Variants in CCDC148 observed in about 807,000 individuals in gnomAD.
The protein encoded by CCDC148 is coiled-coil domain containing 148.
A neutral mutation model predicts 85.7 loss-of-function variants in CCDC148; 89 were observed. That is an observed-to-expected ratio of 1.04 (90% confidence interval 0.87 to 1.24). The LOEUF (loss-of-function observed/expected upper bound fraction) is 1.24. CCDC148 is among the 50% of genes most tolerant of loss of function. The pLI, the probability that CCDC148 is intolerant of heterozygous loss-of-function variation, is 0.00. For missense variants in CCDC148, 692 were observed against 671.7 expected (o/e 1.03, Z -0.33); for synonymous variants, 230 against 213.9 (o/e 1.08, Z -0.66).
chr2:158,186,523 C>T (rs1239442319), intron 11 of CCDC148, among the ~76,000 whole-genome samples: 6 of 152,040 alleles, frequency 3.9e-5, no homozygotes, highest in African/African-American at 1.4e-4. Flanking sequence ...TTCCATTGTT[C>T]AACAATATTT....
intron 9 of CCDC148, among the ~76,000 whole-genome samples, chr2:158,306,251 G>A (rs984477315): frequency 3.9e-5 from 6 of 151,980 alleles, no homozygotes; most frequent in Admixed American, 2.0e-4. Flanking sequence ...GGCCAGGTGC[G>A]GTGGCTCATG....
Position 158,172,087 on chromosome 2 carries a change from T to C in CCDC148, c.*26A>G. Reference sequence around the variant, plus strand: ...ACATGTTTTCAAAGAAAAATGCTCTTTACATATAGAATTTGAGGATGAGCT... The same window carrying C: ...ACATGTTTTCAAAGAAAAATGCTCTCTACATATAGAATTTGAGGATGAGCT... On this transcript the variant is annotated 3_prime_UTR_variant, in exon 14 of 14. Transcript: ENST00000283233. 1 of 1,529,140 alleles carries C rather than the reference T, an allele frequency of 6.5e-7. No individual in the cohort carries two copies. The highest frequency in any genetic ancestry group is 8.8e-7 in the Non-Finnish European group (1 of 1,132,776). The allele number at this position is 1,529,140 out of a possible 1,614,324, so 94.7% of individuals were successfully genotyped here. A position where few individuals can be genotyped will look rare whatever the true frequency, so the allele number is the denominator to read the frequency against.
At position 158,283,539 on chromosome 2, in the gene CCDC148, T is replaced by G. The variant is rs564230069; in HGVS notation, c.1110+25894A>C. Among the ~76,000 whole-genome samples, 18 of 152,346 alleles carry G rather than the reference T, an allele frequency of 1.2e-4. No homozygotes were observed. In the South Asian group the frequency reaches 3.7e-3, roughly 32 times the overall value. On this transcript the variant is annotated intron_variant, in intron 9 of 13. Transcript: ENST00000283233. ...CACAGGAAAAAATGCTCATCATCAC[T>G]GGCCATCAGAGAAATGCAAATCAAA...
chr2:158,220,577 T>A lies in CCDC148; in HGVS notation c.1370+18A>T, dbSNP rs1687122403. 6.4e-7 allele frequency: 1 copy of A among 1,568,112 alleles called. No individual in the cohort carries two copies. Among genetic ancestry groups the A allele is most frequent in the Admixed American group, 1.7e-5 (1 of 57,730 alleles). ...ATTCACCACCTCCATTACCACACAA[T>A]TTTAAATTTTCTTTTACCTTTCTCT... On this transcript the variant is annotated intron_variant, in intron 11 of 13. Transcript: ENST00000283233.
chr2:158,265,383 G>T (rs1689411690), intron 9 of CCDC148, among the ~76,000 whole-genome samples: 1 of 151,762 alleles, frequency 6.6e-6, no homozygotes. Flanking sequence ...AAATTACTTT[G>T]TCTCTTCATA....
chr2:158,180,278 C>T (rs1316810465), intron 11 of CCDC148, among the ~76,000 whole-genome samples: 1 of 152,144 alleles, frequency 6.6e-6, no homozygotes, highest in Non-Finnish European at 1.5e-5. Context: ...GTGCTAAGTG[C>T]TTTATATGTT....
chr2:158,193,976 C>T (rs1685544967), intron 11 of CCDC148, among the ~76,000 whole-genome samples: 1 of 149,048 alleles, frequency 6.7e-6, no homozygotes, highest in South Asian at 2.1e-4. Flanking sequence ...TGTAACAAAC[C>T]TGCACGTTGT....
At chr2:158,265,005 G>C (rs1309710147) in intron 9 of CCDC148, among the ~76,000 whole-genome samples, 1 of 151,898 alleles carries the variant, frequency 6.6e-6, no homozygotes, top group Non-Finnish European at 1.5e-5. Flanking sequence ...CCCAATCTTC[G>C]AATTACTTCT....
At chr2:158,215,852 C>A (rs187334343) in intron 11 of CCDC148, among the ~76,000 whole-genome samples, 9 of 152,194 alleles carry the variant, frequency 5.9e-5, no homozygotes, top group African/African-American at 2.2e-4. Flanking sequence ...GGAGTCACGC[C>A]CTTGTAAGAA....
At chr2:158,337,262 A>G (rs1220594963) in intron 7 of CCDC148, among the ~76,000 whole-genome samples, 2 of 152,192 alleles carry the variant, frequency 1.3e-5, no homozygotes, top group Non-Finnish European at 2.9e-5. Flanking sequence ...ATAAGGAATC[A>G]TCTGGGAGAG....
chr2:158,190,332 T>C (rs1256199655), intron 11 of CCDC148, among the ~76,000 whole-genome samples: 1 of 152,016 alleles, frequency 6.6e-6, no homozygotes, highest in Non-Finnish European at 1.5e-5. Flanking sequence ...CAGATCAGCA[T>C]TTATTTGCCC....
At chr2:158,350,007 C>G (rs1683180721) in intron 2 of CCDC148, among the ~76,000 whole-genome samples, 1 of 152,076 alleles carries the variant, frequency 6.6e-6, no homozygotes, top group South Asian at 2.1e-4. Context: ...AGCTATGAAT[C>G]TCAGGTACAC....
chr2:158,288,956 GAAGCAA>G, intron 9 of CCDC148: 1 of 248,846 alleles, frequency 4.0e-6, no homozygotes, highest in Non-Finnish European at 7.9e-6. Context: ...AAATGAGGTG[GAAGCAA>G]AAGCGGAAAC....
chr2:158,218,261 G>A (rs541131658), intron 11 of CCDC148, among the ~76,000 whole-genome samples: 18 of 152,250 alleles, frequency 1.2e-4, no homozygotes, highest in African/African-American at 4.1e-4. Context: ...AAGTTATCCA[G>A]TTCAACTTTA....
chr2:158,258,176 C>G (rs1183459721), intron 9 of CCDC148, among the ~76,000 whole-genome samples: 1 of 151,598 alleles, frequency 6.6e-6, no homozygotes, highest in Admixed American at 6.6e-5. Flanking sequence ...TGTATTAATG[C>G]TGTGTCAAGA....
In CCDC148 at chr2:158,312,589, A is replaced by AC. The variant is rs1466137573; in HGVS notation, c.903+1166_903+1167insG. Among the ~76,000 whole-genome samples, 666 of 151,238 alleles carry AC rather than the reference A, an allele frequency of 4.4e-3. 7 individuals are homozygous for AC. Among genetic ancestry groups the AC allele is most frequent in the African/African-American group, 0.015 (632 of 41,344 alleles). ...GTGAGAATCCATCTCAAAAAAAAAAAAAAAAAAACCAAAAAACAAAAAAGT... is the reference window on the plus strand; with the variant it reads ...GTGAGAATCCATCTCAAAAAAAAAAACAAAAAAAACCAAAAAACAAAAAAGT... On this transcript the variant is annotated intron_variant, in intron 8 of 13. Transcript: ENST00000283233.
chr2:158,380,003 G>A (rs1001917084), intron 1 of CCDC148, among the ~76,000 whole-genome samples: 1 of 151,978 alleles, frequency 6.6e-6, no homozygotes, highest in African/African-American at 2.4e-5. Flanking sequence ...GCCCAGGCTG[G>A]TCTTGAACTC....
At chr2:158,200,439 T>G (rs1685896686) in intron 11 of CCDC148, among the ~76,000 whole-genome samples, 1 of 152,216 alleles carries the variant, frequency 6.6e-6, no homozygotes, top group East Asian at 1.9e-4. Flanking sequence ...TCCAATCTAC[T>G]GCTTATTTTT....
intron 9 of CCDC148, among the ~76,000 whole-genome samples, chr2:158,285,929 G>A (rs1317637194): frequency 2.6e-5 from 4 of 152,082 alleles, no homozygotes; most frequent in East Asian, 1.9e-4. Context: ...ATACTGTAAT[G>A]GAGGTTCTAA....
Sources: allele counts gnomAD v4.1 joint callset (sites outside exome capture counted in the v4.1 genomes callset), GRCh38; gene constraint gnomAD v4.1.1; transcripts MANE v1.5; gene names NCBI Gene and HGNC (gene_info 2026-07-23, HGNC 2026-07-21).